The following HTR1F variants were observed in gnomAD, a reference collection of about 807,000 sequenced individuals.
HTR1F encodes 5-hydroxytryptamine (serotonin) receptor 1F, G protein-coupled.
HTR1F carries 17 observed loss-of-function variants against 24.0 expected under a neutral mutation model. The ratio of observed to expected loss-of-function variants is 0.71; its 90% CI spans 0.48 to 1.06. HTR1F has a LOEUF of 1.06. Ranked by LOEUF, HTR1F falls within the 50% of genes least tolerant of loss-of-function variation. The pLI is 0.00. For synonymous variants in HTR1F, 186 were observed against 156.8 expected (o/e 1.19, Z -1.39); for missense variants, 391 against 427.8 (o/e 0.91, Z 0.76).
intron 2 of HTR1F, among the ~76,000 whole-genome samples, chr3:87,950,045 G>A (rs190410607): frequency 3.3e-5 from 5 of 152,298 alleles, no homozygotes; most frequent in Admixed American, 2.6e-4. Flanking sequence ...AGGCATCTAT[G>A]AGGAGGAACC....
chr3:87,813,377 G>GGTGCACCA lies in HTR1F; in HGVS notation c.-159-8631_-159-8630insGTGCACCA, dbSNP rs763715734. 4.3e-4 allele frequency among the ~76,000 whole-genome samples: 65 copies of GGTGCACCA among 152,310 alleles called. 1 individual carries two copies. Among genetic ancestry groups the GGTGCACCA allele is most frequent in the Middle Eastern group, 6.8e-3 (2 of 294 alleles). ...TTGTTTTGGCCAATTTCACCATTTG[G>GGTGCACCA]AATGGGAGCATTTATCCAATGCCTG... On this transcript the variant is annotated intron_variant, in intron 1 of 2. Coordinates refer to ENST00000319595, the MANE Select transcript of HTR1F (RefSeq NM_001322209.2).
At chr3:87,934,450 G>A (rs983021923) in intron 2 of HTR1F, among the ~76,000 whole-genome samples, 3 of 152,166 alleles carry the variant, frequency 2.0e-5, no homozygotes, top group African/African-American at 7.2e-5. Flanking sequence ...AACCAGAAGT[G>A]CTTGGGAGTT....
At chr3:87,905,527 A>G (rs1703645469) in intron 2 of HTR1F, among the ~76,000 whole-genome samples, 1 of 152,106 alleles carries the variant, frequency 6.6e-6, no homozygotes, top group African/African-American at 2.4e-5. Flanking sequence ...CAGCCTGCAC[A>G]AAGACATAAT....
chr3:87,941,761 T>C lies in HTR1F; in HGVS notation c.-42-48947T>C, dbSNP rs148918304. Among the ~76,000 whole-genome samples, 426 of 152,270 alleles carry C rather than the reference T, an allele frequency of 2.8e-3. 5 individuals carry two copies. Among genetic ancestry groups the C allele is most frequent in the African/African-American group, 9.1e-3 (378 of 41,566 alleles). On this transcript the variant is annotated intron_variant, in intron 2 of 2. Transcript: ENST00000319595. ...TAAGGTTCAGGACTATAAACCACTC[T>C]GCTTCCTCTGCTATTTGGGAAAGCA... is the stretch of plus-strand genomic sequence containing the variant.
intron 2 of HTR1F, among the ~76,000 whole-genome samples, chr3:87,843,489 T>C (rs1274986488): frequency 6.6e-6 from 1 of 151,070 alleles, no homozygotes; most frequent in African/African-American, 2.4e-5. Context: ...CACTGGCCCT[T>C]CACCATCCTG....
At chr3:87,907,797 A>G (rs978713901) in intron 2 of HTR1F, among the ~76,000 whole-genome samples, 2 of 152,038 alleles carry the variant, frequency 1.3e-5, no homozygotes, top group Non-Finnish European at 2.9e-5. Flanking sequence ...ATGGTTTCTG[A>G]ATGGAGAAGT....
intron 2 of HTR1F, among the ~76,000 whole-genome samples, chr3:87,851,648 TA>T (rs1360311757): frequency 6.6e-6 from 1 of 151,670 alleles, no homozygotes; most frequent in Non-Finnish European, 1.5e-5. Context: ...TAAATCCAAC[TA>T]TTCCTCTATG....
intron 2 of HTR1F, among the ~76,000 whole-genome samples, chr3:87,948,297 A>C (rs1032613702): frequency 7.2e-5 from 11 of 152,176 alleles, no homozygotes; most frequent in African/African-American, 2.7e-4. Flanking sequence ...AGGTAGCTAT[A>C]TAGTTAATTA....
chr3:87,904,221 C>T (rs1467129308), intron 2 of HTR1F, among the ~76,000 whole-genome samples: 1 of 152,044 alleles, frequency 6.6e-6, no homozygotes, highest in African/African-American at 2.4e-5. Flanking sequence ...GCTGACAGTT[C>T]CAAGTGTTTG....
intron 2 of HTR1F, among the ~76,000 whole-genome samples, chr3:87,849,235 G>T (rs1455341595): frequency 1.3e-5 from 2 of 151,874 alleles, no homozygotes; most frequent in East Asian, 3.8e-4. Flanking sequence ...AACCAAAACA[G>T]CATGGTACTG....
chr3:87,875,649 G>A (rs1336999731), intron 2 of HTR1F, among the ~76,000 whole-genome samples: 1 of 151,616 alleles, frequency 6.6e-6, no homozygotes, highest in Non-Finnish European at 1.5e-5. Flanking sequence ...ACTCAGCCAG[G>A]CGCGGTGGCT....
chr3:87,834,033 C>T (rs1217038556), intron 2 of HTR1F, among the ~76,000 whole-genome samples: 1 of 152,076 alleles, frequency 6.6e-6, no homozygotes, highest in African/African-American at 2.4e-5. Flanking sequence ...TTGTGTTATA[C>T]ATGGCAAGAA....
At chr3:87,980,410 T>C (rs1705514977) in intron 2 of HTR1F, among the ~76,000 whole-genome samples, 1 of 152,166 alleles carries the variant, frequency 6.6e-6, no homozygotes, top group Non-Finnish European at 1.5e-5. Context: ...CATCTTGTCA[T>C]CTTTCCAAAT....
chr3:87,877,754 G>A (rs1397050812), intron 2 of HTR1F, among the ~76,000 whole-genome samples: 1 of 152,136 alleles, frequency 6.6e-6, no homozygotes, highest in African/African-American at 2.4e-5. Context: ...ACTGTACATG[G>A]AGGATGAGCT....
chr3:87,899,484 T>G (rs1706275496), intron 2 of HTR1F, among the ~76,000 whole-genome samples: 1 of 152,164 alleles, frequency 6.6e-6, no homozygotes. Flanking sequence ...TTATAAACAT[T>G]AAAGCTCTGT....
chr3:87,901,954 G>A (rs1706333585), intron 2 of HTR1F, among the ~76,000 whole-genome samples: 1 of 151,980 alleles, frequency 6.6e-6, no homozygotes, highest in East Asian at 1.9e-4. Flanking sequence ...AATAAATGCA[G>A]TAATAAACCA....
intron 2 of HTR1F, among the ~76,000 whole-genome samples, chr3:87,942,853 C>T (rs1192962080): frequency 6.6e-6 from 1 of 151,990 alleles, no homozygotes; most frequent in Non-Finnish European, 1.5e-5. Flanking sequence ...GGGCGTAAGG[C>T]AGACTTTTGA....
At chr3:87,845,823 T>A (rs1453865463) in intron 2 of HTR1F, among the ~76,000 whole-genome samples, 2 of 152,032 alleles carry the variant, frequency 1.3e-5, no homozygotes, top group Non-Finnish European at 2.9e-5. Flanking sequence ...GTTGTCATTA[T>A]TTGAGTCAAT....
chr3:87,913,310 A>C (rs186149313), intron 2 of HTR1F, among the ~76,000 whole-genome samples: 27 of 152,314 alleles, frequency 1.8e-4, no homozygotes, highest in African/African-American at 6.0e-4. Context: ...GAAGACAGAC[A>C]TGTTGCCAAC....
Sources: allele counts gnomAD v4.1 joint callset (sites outside exome capture counted in the v4.1 genomes callset), GRCh38; gene constraint gnomAD v4.1.1; transcripts MANE v1.5; gene names NCBI Gene and HGNC (gene_info 2026-07-23, HGNC 2026-07-21).